The following ITFG1 variants were observed in gnomAD, a reference collection of about 807,000 sequenced individuals.
ITFG1 encodes T-cell immunomodulatory protein.
Under a neutral mutation model 81.8 loss-of-function variants are expected in ITFG1, and 34 were observed. The ratio of observed to expected loss-of-function variants is 0.42; its 90% confidence interval spans 0.32 to 0.55. The LOEUF is 0.55. Ranked by LOEUF, ITFG1 falls within the 20% of genes least tolerant of loss-of-function variation. ITFG1 has a pLI of 0.17. For missense variants in ITFG1, 672 were observed against 755.4 expected (o/e 0.89, Z 1.29); for synonymous variants, 285 against 270.6 (o/e 1.05, Z -0.52).
intron 13 of ITFG1, among the ~76,000 whole-genome samples, chr16:47,221,826 T>C (rs1965695530): frequency 6.6e-6 from 1 of 152,222 alleles, no homozygotes; most frequent in African/African-American, 2.4e-5. Context: ...AGTGTATGTG[T>C]CGAGAAATTT....
At chr16:47,406,113 G>C (rs1323168797) in intron 6 of ITFG1, among the ~76,000 whole-genome samples, 1 of 152,124 alleles carries the variant, frequency 6.6e-6, no homozygotes, top group Non-Finnish European at 1.5e-5. Flanking sequence ...TTAGTAAACA[G>C]GTCTCTTCAT....
chr16:47,429,868 C>T (rs1305556835), intron 5 of ITFG1, among the ~76,000 whole-genome samples: 1 of 151,972 alleles, frequency 6.6e-6, no homozygotes, highest in Non-Finnish European at 1.5e-5. Context: ...TACCTTTTTG[C>T]CCAGGCTAGT....
intron 6 of ITFG1, among the ~76,000 whole-genome samples, chr16:47,382,652 G>C (rs1056094012): frequency 4.0e-5 from 6 of 151,412 alleles, no homozygotes; most frequent in Admixed American, 1.3e-4. Flanking sequence ...CAGAAGTCGG[G>C]GGGTGGGGGT....
In ITFG1 at chr16:47,162,087, G is replaced by A. The variant is rs553049732; in HGVS notation, c.1579-255C>T. On this transcript the variant is annotated intron_variant, in intron 15 of 17. Transcript: ENST00000320640. ...CAACAAATATTTATTAGACACTTAC[G>A]TAGCAGGCACTGTTCAAAGGGCTAT... Among the ~76,000 whole-genome samples, 9 of 152,168 alleles carry A rather than the reference G, an allele frequency of 5.9e-5. No individual in the cohort carries two copies. The South Asian group carries it at 6.2e-4, about 11-fold the overall frequency.
intron 6 of ITFG1, among the ~76,000 whole-genome samples, chr16:47,391,036 G>C (rs1169430428): frequency 6.6e-6 from 1 of 152,016 alleles, no homozygotes; most frequent in African/African-American, 2.4e-5. Context: ...AGCCTGTAGA[G>C]AATCTTAGTA....
intron 6 of ITFG1, among the ~76,000 whole-genome samples, chr16:47,383,904 CAAAAG>C (rs529315861): frequency 0.012 from 1,770 of 152,308 alleles, 12 homozygotes; most frequent in Non-Finnish European, 0.019. Flanking sequence ...AACTCCATCT[CAAAAG>C]AAAAGAAAAG....
intron 8 of ITFG1, among the ~76,000 whole-genome samples, chr16:47,330,762 C>A (rs1400407374): frequency 6.6e-6 from 1 of 152,066 alleles, no homozygotes; most frequent in Non-Finnish European, 1.5e-5. Flanking sequence ...CAAATCAAAA[C>A]CACAATGAGA....
intron 8 of ITFG1, among the ~76,000 whole-genome samples, chr16:47,353,108 TA>T (rs1356666801): frequency 1.3e-5 from 2 of 151,986 alleles, no homozygotes; most frequent in Non-Finnish European, 1.5e-5. Flanking sequence ...TACCTAATGC[TA>T]AATGATGAGT....
chr16:47,188,950 A>G (rs1965259929), intron 14 of ITFG1, among the ~76,000 whole-genome samples: 1 of 152,122 alleles, frequency 6.6e-6, no homozygotes, highest in South Asian at 2.1e-4. Context: ...TTTTTAGTAG[A>G]GGCAGGGTTT....
intron 10 of ITFG1, among the ~76,000 whole-genome samples, chr16:47,272,688 G>A (rs975344922): frequency 1.2e-4 from 18 of 151,878 alleles, no homozygotes; most frequent in Non-Finnish European, 2.2e-4. Flanking sequence ...GAGCCATTGC[G>A]CCCAGCCTGA....
intron 14 of ITFG1, among the ~76,000 whole-genome samples, chr16:47,206,500 AAACTCCAT>A (rs1965501659): frequency 3.3e-5 from 5 of 152,178 alleles, no homozygotes; most frequent in African/African-American, 1.2e-4. Flanking sequence ...CCTCAATATG[AAACTCCAT>A]ACCTATCAGC....
At chr16:47,175,290 A>G (rs1487474665) in intron 14 of ITFG1, among the ~76,000 whole-genome samples, 1 of 151,582 alleles carries the variant, frequency 6.6e-6, no homozygotes, top group African/African-American at 2.4e-5. Flanking sequence ...CTTTATCATG[A>G]GGAAATTTAA....
At chr16:47,216,029 C>T (rs1965620383) in intron 14 of ITFG1, among the ~76,000 whole-genome samples, 2 of 151,952 alleles carry the variant, frequency 1.3e-5, no homozygotes, top group South Asian at 4.2e-4. Context: ...TCTAATGTTC[C>T]ATTACTGTTT....
chr16:47,262,286 T>G (rs1387231248), intron 10 of ITFG1, among the ~76,000 whole-genome samples: 1 of 152,232 alleles, frequency 6.6e-6, no homozygotes, highest in South Asian at 2.1e-4. Context: ...CATGACCTAT[T>G]ATAGAACAGT....
At chr16:47,456,994 C>A (rs1326194682) in intron 2 of ITFG1, among the ~76,000 whole-genome samples, 1 of 152,070 alleles carries the variant, frequency 6.6e-6, no homozygotes, top group African/African-American at 2.4e-5. Flanking sequence ...ACTATGCAAT[C>A]TATTTTTTAA....
At chr16:47,412,783 C>T (rs1226516794) in intron 6 of ITFG1, among the ~76,000 whole-genome samples, 1 of 151,398 alleles carries the variant, frequency 6.6e-6, no homozygotes, top group African/African-American at 2.4e-5. Flanking sequence ...AGCATGAAGA[C>T]TGGTCCTTCA....
At chr16:47,286,586 G>C (rs1396750430) in intron 10 of ITFG1, among the ~76,000 whole-genome samples, 1 of 151,572 alleles carries the variant, frequency 6.6e-6, no homozygotes, top group Non-Finnish European at 1.5e-5. Flanking sequence ...GTTGTGGTGA[G>C]CCAAGATCAT....
intron 6 of ITFG1, among the ~76,000 whole-genome samples, chr16:47,410,569 C>A (rs376772248): frequency 6.6e-6 from 1 of 151,936 alleles, no homozygotes; most frequent in South Asian, 2.1e-4. Flanking sequence ...AGAGAGGTGA[C>A]GCAGACAACA....
chr16:47,162,710 A>T (rs959016944), intron 14 of ITFG1, 46 bp from the exon 15 acceptor site: 18 of 1,494,822 alleles, frequency 1.2e-5, no homozygotes, highest in Non-Finnish European at 1.5e-5. Context: ...CTCTGGAAAC[A>T]TTGCTCCCAT....
Sources: allele counts gnomAD v4.1 joint callset (sites outside exome capture counted in the v4.1 genomes callset), GRCh38; gene constraint gnomAD v4.1.1; transcripts MANE v1.5; gene names NCBI Gene and HGNC (gene_info 2026-07-23, HGNC 2026-07-21).